Variants in PSMD1 observed in about 807,000 individuals in gnomAD.
PSMD1 encodes the protein 26S proteasome non-ATPase regulatory subunit 1.
A neutral mutation model predicts 119.0 loss-of-function variants in PSMD1; 18 were observed. That is an observed-to-expected ratio of 0.15 (90% CI 0.10 to 0.22). PSMD1 has a LOEUF of 0.22. Ranked by LOEUF, PSMD1 falls within the 10% of genes least tolerant of loss-of-function variation. The probability of loss-of-function intolerance (pLI) is 1.00; values close to 1 mark genes in which losing one functional copy is unlikely to be tolerated. For missense variants in PSMD1, 702 were observed against 1,158.5 expected (o/e 0.61, Z 5.72); for synonymous variants, 374 against 396.6 (o/e 0.94, Z 0.68).
intron 17 of PSMD1, among the ~76,000 whole-genome samples, chr2:231,139,574 AAG>A (rs1405284715): frequency 3.6e-5 from 5 of 140,138 alleles, no homozygotes; most frequent in South Asian, 2.1e-4. Flanking sequence ...AAAAAAAAAA[AAG>A]AAGAAGAAGA....
chr2:231,094,640 G>A (rs1236459545), intron 16 of PSMD1, among the ~76,000 whole-genome samples: 2 of 152,154 alleles, frequency 1.3e-5, no homozygotes, highest in Non-Finnish European at 2.9e-5. Context: ...GGAATTATGT[G>A]GTTTCTACCA....
intron 18 of PSMD1, among the ~76,000 whole-genome samples, chr2:231,148,590 G>T (rs6437001): frequency 0.49 from 74,053 of 152,004 alleles, 21,548 homozygotes; most frequent in African/African-American, 0.81. Flanking sequence ...GCCTTTGCCA[G>T]TAATATAAAC....
chr2:231,121,740 A>T lies in PSMD1; in HGVS notation c.1884-16996A>T, dbSNP rs145635903. Among the ~76,000 whole-genome samples, 133 of 152,308 alleles carry T rather than the reference A, an allele frequency of 8.7e-4. 1 individual carries two copies. The highest frequency in any genetic ancestry group is 3.0e-3 in the African/African-American group (123 of 41,580). ...TTAAGTATCTACCATGGTACTTTGC[A>T]TATAATAGATGTTTGATATTTATGG... is the stretch of plus-strand genomic sequence containing the variant. On this transcript the variant is annotated intron_variant, in intron 16 of 24. Coordinates refer to ENST00000308696, the MANE Select transcript of PSMD1 (RefSeq NM_002807.4).
At chr2:231,167,787 A>G (rs966425618) in intron 23 of PSMD1, among the ~76,000 whole-genome samples, 6 of 152,254 alleles carry the variant, frequency 3.9e-5, no homozygotes, top group African/African-American at 1.4e-4. Context: ...AAGCTCCTCC[A>G]ACTCAACAAT....
At chr2:231,138,695 G>A (rs755478300) in intron 16 of PSMD1, 41 bp from the exon 17 acceptor site, 6 of 1,434,186 alleles carry the variant, frequency 4.2e-6, no homozygotes, top group Non-Finnish European at 4.9e-6. Flanking sequence ...ACTTAAAATA[G>A]ATTACCTATA....
At chr2:231,109,382 C>T in intron 16 of PSMD1, 1 of 1,614,000 alleles carries the variant, frequency 6.2e-7, no homozygotes, top group South Asian at 1.1e-5. Flanking sequence ...AGTCTCTATC[C>T]CTTTAATAGG....
chr2:231,084,932 A>G, intron 14 of PSMD1, 87 bp from the exon 15 acceptor site: 1 of 1,029,944 alleles, frequency 9.7e-7, no homozygotes, highest in African/African-American at 1.6e-5. Flanking sequence ...AGACCAGCTT[A>G]CTTGGTGGAT....
intron 9 of PSMD1, among the ~76,000 whole-genome samples, chr2:231,077,934 C>T (rs1223551228): frequency 6.6e-6 from 1 of 152,116 alleles, no homozygotes; most frequent in Non-Finnish European, 1.5e-5. Flanking sequence ...CCATTCATGA[C>T]AATTTAAAGC....
intron 19 of PSMD1, among the ~76,000 whole-genome samples, chr2:231,155,589 A>G (rs1343245948): frequency 6.6e-6 from 1 of 151,016 alleles, no homozygotes. Context: ...CTATTTATGT[A>G]CTTTGTTCTT....
intron 16 of PSMD1, among the ~76,000 whole-genome samples, chr2:231,119,702 C>A (rs923524795): frequency 1.3e-5 from 2 of 151,924 alleles, no homozygotes; most frequent in Non-Finnish European, 2.9e-5. Context: ...AAAACCCCAT[C>A]TCTACTAAAA....
At chr2:231,078,443 A>G (rs1442070970) in intron 9 of PSMD1, among the ~76,000 whole-genome samples, 1 of 152,214 alleles carries the variant, frequency 6.6e-6, no homozygotes, top group African/African-American at 2.4e-5. Flanking sequence ...TCTGTTGTTG[A>G]GCTCTGTTAA....
intron 16 of PSMD1, among the ~76,000 whole-genome samples, chr2:231,121,273 A>G (rs1695531778): frequency 6.6e-6 from 1 of 152,202 alleles, no homozygotes; most frequent in Non-Finnish European, 1.5e-5. Context: ...TGTGCCTGTA[A>G]TCCTAGCTAC....
In PSMD1 at chr2:231,163,100, CA is replaced by C. The variant is rs202054935; in HGVS notation, c.2389-521del. The C allele has an allele frequency of 2.3e-3, 234 of 102,040 alleles. 1 individual carries two copies. Among genetic ancestry groups the C allele is most frequent in the Middle Eastern group, 0.012 (2 of 172 alleles). 6.3% of individuals were successfully genotyped at this position (102,040 alleles called of 1,614,324 possible). A position where few individuals can be genotyped will look rare whatever the true frequency, so the allele number is the denominator to read the frequency against. On this transcript the variant is annotated intron_variant, in intron 20 of 24. Transcript: ENST00000308696. ...TGGGCAACAGAGCAAAACTCCGTCT[CA>C]AAAAAAAAAAAAAGAAAGAAAGGAA...
intron 16 of PSMD1, among the ~76,000 whole-genome samples, chr2:231,126,086 C>T (rs1695712745): frequency 1.3e-5 from 2 of 151,988 alleles, no homozygotes; most frequent in South Asian, 4.2e-4. Context: ...TTTAATGTAC[C>T]AGAATTTCTA....
At chr2:231,105,133 T>C (rs1199152655) in intron 16 of PSMD1, among the ~76,000 whole-genome samples, 1 of 152,192 alleles carries the variant, frequency 6.6e-6, no homozygotes, top group Non-Finnish European at 1.5e-5. Flanking sequence ...ATTCTTAGGA[T>C]AGTCCAGGGT....
chr2:231,161,249 AAAAG>A lies in PSMD1; in HGVS notation c.2219-77_2219-74del, dbSNP rs200343981. ...AGACCCTATCTCTTTAAAAAAAAAA[AAAAG>A]AAAGAAAGAAAGATATCGTTATTAT... On this transcript the variant is annotated intron_variant, in intron 19 of 24. Coordinates refer to ENST00000308696, the MANE Select transcript of PSMD1 (RefSeq NM_002807.4). 2.1e-3 allele frequency: 2,700 copies of A among 1,304,254 alleles called. 39 individuals carry two copies. The African/African-American group carries it at 0.035, about 17-fold the overall frequency. 80.8% of individuals were successfully genotyped at this position (1,304,254 alleles called of 1,614,324 possible).
chr2:231,068,469 G>T lies in PSMD1; in HGVS notation c.510+1358G>T, dbSNP rs945208834. Among the ~76,000 whole-genome samples the T allele has an allele frequency of 3.3e-5, 5 of 152,114 alleles. No individual in the cohort carries two copies. The East Asian group carries it at 9.6e-4, about 29-fold the overall frequency. Reference sequence around the variant, plus strand: ...ATACTGTTCTAGGCATTGGAGATGTGCATTGTCCCCATTCATCCATGGTTT... The same window carrying T: ...ATACTGTTCTAGGCATTGGAGATGTTCATTGTCCCCATTCATCCATGGTTT... On this transcript the variant is annotated intron_variant, in intron 5 of 24. Coordinates refer to ENST00000308696, the MANE Select transcript of PSMD1 (RefSeq NM_002807.4).
chr2:231,133,337 T>C (rs1695893455), intron 16 of PSMD1: 1 of 152,120 alleles, frequency 6.6e-6, no homozygotes. Flanking sequence ...GGGGCAGATA[T>C]ATTCTTAATT....
At chr2:231,091,018 C>A (rs1391929860) in intron 16 of PSMD1, among the ~76,000 whole-genome samples, 2 of 152,138 alleles carry the variant, frequency 1.3e-5, no homozygotes, top group Non-Finnish European at 2.9e-5. Context: ...GACCTGCAGA[C>A]CCTGGCCGAG....
Sources: allele counts gnomAD v4.1 joint callset (sites outside exome capture counted in the v4.1 genomes callset), GRCh38; gene constraint gnomAD v4.1.1; transcripts MANE v1.5; gene names NCBI Gene and HGNC (gene_info 2026-07-23, HGNC 2026-07-21).